Variants in SVOPL observed in about 807,000 individuals in gnomAD.
The protein encoded by SVOPL is SVOP like, also known as putative transporter SVOPL.
A neutral mutation model predicts 61.0 loss-of-function variants in SVOPL; 60 were observed. That is an observed-to-expected ratio of 0.98 (90% CI 0.80 to 1.22). The LOEUF is 1.22. SVOPL is among the 50% of genes most tolerant of loss of function. The probability of loss-of-function intolerance (pLI) is 0.00; values close to 1 mark genes in which losing one functional copy is unlikely to be tolerated. For missense variants in SVOPL, 662 were observed against 643.9 expected (o/e 1.03, Z -0.30); for synonymous variants, 279 against 250.0 (o/e 1.12, Z -1.09).
intron 1 of SVOPL, among the ~76,000 whole-genome samples, chr7:138,679,808 T>C (rs529236898): frequency 6.6e-6 from 1 of 152,328 alleles, no homozygotes; most frequent in Non-Finnish European, 1.5e-5. Flanking sequence ...GGGATGTATT[T>C]GTCACTAATC....
intron 9 of SVOPL, among the ~76,000 whole-genome samples, chr7:138,641,838 T>TATATATATATATATATATATATAAC: frequency 7.5e-6 from 1 of 132,992 alleles, no homozygotes; most frequent in South Asian, 2.4e-4. Flanking sequence ...ATATATAACA[T>TATATATATATATATATATATATAAC]ATATATATAA....
At chr7:138,595,420 G>A (rs113484613) in intron 15 of SVOPL, among the ~76,000 whole-genome samples, 2 of 152,038 alleles carry the variant, frequency 1.3e-5, no homozygotes, top group Non-Finnish European at 2.9e-5. Flanking sequence ...TGTTTAAAAG[G>A]CTATAAACAA....
chr7:138,597,390 G>T, intron 14 of SVOPL: 1 of 345,122 alleles, frequency 2.9e-6, no homozygotes, highest in African/African-American at 2.2e-5. Context: ...TACAGATCCT[G>T]ACACACAGCC....
chr7:138,642,831 C>CAAAAAAAA lies in SVOPL; in HGVS notation c.789+1878_789+1885dup, dbSNP rs749603417. On this transcript the variant is annotated intron_variant, in intron 9 of 15. Coordinates refer to ENST00000674285, the MANE Select transcript of SVOPL (RefSeq NM_001139456.2). ...GACGATAGAGCGAGACTCCTACCTC[C>CAAAAAAAA]AAAAAAAAAAAAAAAAAAAGAAGAA... Among the ~76,000 whole-genome samples, 40 of 26,904 alleles carry CAAAAAAAA rather than the reference C, an allele frequency of 1.5e-3. 1 individual carries two copies. The highest frequency in any genetic ancestry group is 4.0e-3 in the Admixed American group (7 of 1,750). 17.7% of individuals were successfully genotyped at this position (26,904 alleles called of 152,430 possible).
chr7:138,653,524 G>A (rs1441931338), intron 7 of SVOPL, among the ~76,000 whole-genome samples: 5 of 152,244 alleles, frequency 3.3e-5, no homozygotes, highest in East Asian at 1.9e-4. Flanking sequence ...TCTTGGGGCC[G>A]TGCACAGTGC....
At chr7:138,699,854 A>G (rs918529509) in intron 1 of SVOPL, among the ~76,000 whole-genome samples, 9 of 152,226 alleles carry the variant, frequency 5.9e-5, no homozygotes, top group African/African-American at 2.2e-4. Flanking sequence ...CCCAATGCAT[A>G]GCCCTTGAAG....
In SVOPL at chr7:138,648,704, CCACTGCACTCCAGCCGAGGTCGCGG is replaced by C. The variant is rs1161841700; in HGVS notation, c.660+283_660+307del. Reference sequence around the variant, plus strand: ...GCCTGGGGGACGCTGCACTCCAGCGCCACTGCACTCCAGCCGAGGTCGCGGCACTGCACTCCAGCCTGGGGAGACT... The same window carrying C: ...GCCTGGGGGACGCTGCACTCCAGCGCCACTGCACTCCAGCCTGGGGAGACT... On this transcript the variant is annotated intron_variant, in intron 8 of 15. Coordinates refer to ENST00000674285, the MANE Select transcript of SVOPL (RefSeq NM_001139456.2). Among the ~76,000 whole-genome samples the C allele has an allele frequency of 6.0e-5, 9 of 151,042 alleles. No individual in the cohort carries two copies. The East Asian group carries it at 1.2e-3, about 20-fold the overall frequency.
rs755567384 is a variant in SVOPL at position 138,678,438 on chromosome 7, G to C, written c.170C>G (p.Thr57Ser). 1.3e-6 allele frequency: 2 copies of C among 1,551,788 alleles called. No individual in the cohort carries two copies. The highest frequency in any genetic ancestry group is 1.2e-5 in the South Asian group (1 of 84,052). The change falls in exon 3 of 16, where the codon ACT (threonine) becomes AGT (serine). Residue 57 changes from threonine to serine, a missense_variant. Thr to Ser is a moderately conservative substitution (Grantham distance 58). Transcript: ENST00000674285. Reference sequence around the variant, plus strand: ...ACATCTCGAAGGAGCACTCACCCCAGTACTGCCCATGATCAGAAAGAGGGC... The same window carrying C: ...ACATCTCGAAGGAGCACTCACCCCACTACTGCCCATGATCAGAAAGAGGGC... ...HIALFLIMGSTGVVEAMEIML... is the reference protein window; with the variant it reads ...HIALFLIMGSSGVVEAMEIML...
chr7:138,626,220 C>G (rs1206706752), intron 12 of SVOPL, 170 bp from the exon 13 acceptor site: 1 of 616,410 alleles, frequency 1.6e-6, no homozygotes, highest in African/African-American at 1.8e-5. Flanking sequence ...AAGCAAACCT[C>G]CTTCCAATCT....
intron 4 of SVOPL, among the ~76,000 whole-genome samples, chr7:138,666,448 C>A (rs912440575): frequency 8.5e-5 from 13 of 152,294 alleles, no homozygotes; most frequent in African/African-American, 2.6e-4. Context: ...AAAATAGACA[C>A]CCCTTTAGCA....
In SVOPL at chr7:138,642,848, A is replaced by AAAAAAAGAAG. The variant is rs1437306629; in HGVS notation, c.789+1868_789+1869insCTTCTTTTTT. ...CCTACCTCCAAAAAAAAAAAAAAAAAAAGAAGAAACAAAATTTTTAATAAT... is the reference window on the plus strand; with the variant it reads ...CCTACCTCCAAAAAAAAAAAAAAAAAAAAAAAGAAGAAGAAGAAACAAAATTTTTAATAAT... On this transcript the variant is annotated intron_variant, in intron 9 of 15. Coordinates refer to ENST00000674285, the MANE Select transcript of SVOPL (RefSeq NM_001139456.2). Among the ~76,000 whole-genome samples, 159 of 35,376 alleles carry AAAAAAAGAAG rather than the reference A, an allele frequency of 4.5e-3. 5 individuals carry two copies. Among genetic ancestry groups the AAAAAAAGAAG allele is most frequent in the African/African-American group, 7.4e-3 (135 of 18,160 alleles). The allele number at this position is 35,376 out of a possible 152,430, so 23.2% of individuals were successfully genotyped here.
Position 138,620,119 on chromosome 7 carries a change from G to GTTTTTTT in SVOPL, c.1353+926_1353+927insAAAAAAA, listed in dbSNP as rs375556204. Among the ~76,000 whole-genome samples the GTTTTTTT allele has an allele frequency of 8.2e-3, 943 of 114,438 alleles. 13 individuals carry two copies. The highest frequency in any genetic ancestry group is 0.013 in the Middle Eastern group (3 of 224). The allele number at this position is 114,438 out of a possible 152,430, so 75.1% of individuals were successfully genotyped here. A position where few individuals can be genotyped will look rare whatever the true frequency, so the allele number is the denominator to read the frequency against. On this transcript the variant is annotated intron_variant, in intron 14 of 15. Coordinates refer to ENST00000674285, the MANE Select transcript of SVOPL (RefSeq NM_001139456.2). ...TTTTTTTCTTTTTTGTTTTTTTTCT[G>GTTTTTTT]TTTTGTTTTTTTTTTTTTTTTGAGA... is the stretch of plus-strand genomic sequence containing the variant.
At chr7:138,697,039 A>G (rs1803078423) in intron 1 of SVOPL, among the ~76,000 whole-genome samples, 1 of 152,104 alleles carries the variant, frequency 6.6e-6, no homozygotes, top group Non-Finnish European at 1.5e-5. Context: ...GGTGCACAAT[A>G]TTGTGAATGT....
intron 5 of SVOPL, 47 bp downstream of exon 5, chr7:138,663,024 AAAG>A: frequency 6.2e-7 from 1 of 1,612,990 alleles, no homozygotes; most frequent in South Asian, 1.1e-5. Context: ...GTTGCCCCCA[AAAG>A]AATACACAAA....
chr7:138,630,313 A>T (rs939809742), intron 9 of SVOPL, among the ~76,000 whole-genome samples, 191 bp from the exon 10 acceptor site: 1 of 152,182 alleles, frequency 6.6e-6, no homozygotes, highest in African/African-American at 2.4e-5. Context: ...TCTCAGCCAG[A>T]TCTGTCTTTT....
intron 6 of SVOPL, among the ~76,000 whole-genome samples, chr7:138,659,096 G>A (rs185094611): frequency 1.3e-5 from 2 of 152,268 alleles, no homozygotes; most frequent in East Asian, 3.9e-4. Context: ...TGGCTACCTG[G>A]AGGCTTCATT....
At chr7:138,668,937 T>C (rs747218610) in intron 4 of SVOPL, among the ~76,000 whole-genome samples, 1 of 152,198 alleles carries the variant, frequency 6.6e-6, no homozygotes, top group Non-Finnish European at 1.5e-5. Flanking sequence ...AGACACTCTC[T>C]TTAGTGAGGA....
intron 3 of SVOPL, among the ~76,000 whole-genome samples, chr7:138,674,711 C>G (rs1157526561): frequency 2.0e-5 from 3 of 152,016 alleles, no homozygotes; most frequent in African/African-American, 7.2e-5. Flanking sequence ...AAAAAATTAG[C>G]TGGGCGTGGT....
chr7:138,684,644 C>G (rs539634999), intron 1 of SVOPL, among the ~76,000 whole-genome samples: 1 of 152,274 alleles, frequency 6.6e-6, no homozygotes, highest in African/African-American at 2.4e-5. Flanking sequence ...GAAAAAGGAA[C>G]CCTTGTACAC....
Sources: allele counts gnomAD v4.1 joint callset (sites outside exome capture counted in the v4.1 genomes callset), GRCh38; gene constraint gnomAD v4.1.1; transcripts MANE v1.5; gene names NCBI Gene and HGNC (gene_info 2026-07-23, HGNC 2026-07-21).